The following ITCH variants were observed in gnomAD, a reference collection of about 807,000 sequenced individuals.
The protein encoded by ITCH is itchy E3 ubiquitin protein ligase, also known as E3 ubiquitin-protein ligase Itchy homolog.
ITCH carries 28 observed loss-of-function variants against 126.8 expected under a neutral mutation model. That is an observed-to-expected ratio of 0.22 (90% CI 0.16 to 0.30). The LOEUF is 0.30. Ranked by LOEUF, ITCH falls within the 10% of genes least tolerant of loss-of-function variation. The probability of loss-of-function intolerance (pLI) is 1.00; values close to 1 mark genes in which losing one functional copy is unlikely to be tolerated. For missense variants in ITCH, 631 were observed against 1,032.4 expected, an observed-to-expected ratio of 0.61 and a Z score of 5.33; for synonymous variants, 342 against 340.0, an observed-to-expected ratio of 1.01 and a Z score of -0.06.
intron 10 of ITCH, among the ~76,000 whole-genome samples, chr20:34,444,718 T>G (rs564265045): frequency 6.6e-6 from 1 of 152,330 alleles, no homozygotes; most frequent in Admixed American, 6.5e-5. Flanking sequence ...CTCGGCTCAC[T>G]GCAGCCCCCA....
At chr20:34,493,265 A>G (rs1989641606) in intron 23 of ITCH, among the ~76,000 whole-genome samples, 1 of 152,228 alleles carries the variant, frequency 6.6e-6, no homozygotes, top group Non-Finnish European at 1.5e-5. Context: ...AGAACTAAGC[A>G]GGTAATTTTG....
chr20:34,413,330 T>C (rs1188799698), intron 5 of ITCH, among the ~76,000 whole-genome samples: 1 of 152,204 alleles, frequency 6.6e-6, no homozygotes, highest in Non-Finnish European at 1.5e-5. Flanking sequence ...CCCTCGACTA[T>C]CTAAAACATA....
At chr20:34,426,020 A>G (rs966296575) in intron 7 of ITCH, among the ~76,000 whole-genome samples, 2 of 152,252 alleles carry the variant, frequency 1.3e-5, no homozygotes, top group Non-Finnish European at 2.9e-5. Context: ...GCCTTGGACT[A>G]TGTGAATTAA....
rs957223715 is a variant in ITCH, at chr20:34,440,467, C to CT, written c.869+133dup. 5.4e-3 allele frequency: 3,669 copies of CT among 683,490 alleles called. 1 individual carries two copies. Among genetic ancestry groups the CT allele is most frequent in the East Asian group, 0.014 (442 of 31,640 alleles). The allele number at this position is 683,490 out of a possible 1,614,324, so 42.3% of individuals were successfully genotyped here. A position where few individuals can be genotyped will look rare whatever the true frequency, so the allele number is the denominator to read the frequency against. On this transcript the variant is annotated intron_variant, in intron 9 of 24. Coordinates refer to ENST00000374864, the MANE Select transcript of ITCH (RefSeq NM_031483.7). ...TGTTTTGATGACTGTTTTTTAATTT[C>CT]TTTTTTTTTTGAGATGGAGTGCTCT...
chr20:34,503,884 G>GTTT (rs148915356), intron 23 of ITCH, among the ~76,000 whole-genome samples: 1 of 96,812 alleles, frequency 1.0e-5, no homozygotes, highest in African/African-American at 4.0e-5. Flanking sequence ...TTTTTTTTTT[G>GTTT]GTTTTTTTTT....
At chr20:34,478,699 G>A (rs1036678724) in intron 17 of ITCH, among the ~76,000 whole-genome samples, 6 of 152,054 alleles carry the variant, frequency 3.9e-5, no homozygotes, top group South Asian at 4.1e-4. Flanking sequence ...TTGTGTGCAC[G>A]CTAATTGGTG....
At chr20:34,378,484 AAAAAAAAAAAGATGT>A (rs2037931351) in intron 2 of ITCH, among the ~76,000 whole-genome samples, 1 of 150,726 alleles carries the variant, frequency 6.6e-6, no homozygotes, top group Non-Finnish European at 1.5e-5. Flanking sequence ...AAAAAAAAAA[AAAAAAAAAAAGATGT>A]AAAAAAAAAA....
intron 12 of ITCH, among the ~76,000 whole-genome samples, chr20:34,456,047 A>G (rs1443215445): frequency 6.6e-6 from 1 of 150,860 alleles, no homozygotes; most frequent in Non-Finnish European, 1.5e-5. Context: ...TTAGTTGAAT[A>G]ATGCCTAGCA....
intron 3 of ITCH, among the ~76,000 whole-genome samples, chr20:34,395,823 A>G (rs139935574): frequency 6.6e-6 from 1 of 152,228 alleles, no homozygotes; most frequent in African/African-American, 2.4e-5. Flanking sequence ...TGAGTATACG[A>G]AATTTTAAAA....
chr20:34,403,148 T>G (rs957697613), intron 3 of ITCH, among the ~76,000 whole-genome samples: 17 of 152,316 alleles, frequency 1.1e-4, no homozygotes, highest in South Asian at 2.1e-4. Flanking sequence ...CTTACCTGGT[T>G]CATTATTCTG....
At chr20:34,407,434 G>A (rs918173556) in intron 3 of ITCH, among the ~76,000 whole-genome samples, 17 of 151,970 alleles carry the variant, frequency 1.1e-4, no homozygotes, top group African/African-American at 3.9e-4. Context: ...ACCTGGCTAA[G>A]TTTTGAAATT....
At chr20:34,366,395 TA>T (rs2037423196) in intron 1 of ITCH, among the ~76,000 whole-genome samples, 1 of 152,082 alleles carries the variant, frequency 6.6e-6, no homozygotes, top group Non-Finnish European at 1.5e-5. Context: ...GGCTAATTTT[TA>T]AAATTTTTTT....
chr20:34,373,195 A>C (rs941429996), intron 2 of ITCH, among the ~76,000 whole-genome samples: 1 of 151,826 alleles, frequency 6.6e-6, no homozygotes, highest in Non-Finnish European at 1.5e-5. Flanking sequence ...GCTGATCTTG[A>C]ACTCCTGACC....
chr20:34,414,032 C>G (rs1471521577), intron 6 of ITCH, among the ~76,000 whole-genome samples, 153 bp downstream of exon 6: 1 of 149,800 alleles, frequency 6.7e-6, no homozygotes, highest in Non-Finnish European at 1.5e-5. Context: ...AATCCCAGCA[C>G]TTTGGGAGGC....
intron 6 of ITCH, among the ~76,000 whole-genome samples, chr20:34,420,290 A>G (rs73097054): frequency 0.024 from 3,584 of 152,180 alleles, 74 homozygotes; most frequent in Middle Eastern, 0.044. Context: ...CTCTGTCTCT[A>G]TGGATTTGCC....
chr20:34,458,622 A>G (rs1274803614), intron 13 of ITCH, among the ~76,000 whole-genome samples: 1 of 152,212 alleles, frequency 6.6e-6, no homozygotes, highest in African/African-American at 2.4e-5. Context: ...CGATGTCAGC[A>G]GGGCCATGCT....
intron 6 of ITCH, among the ~76,000 whole-genome samples, chr20:34,423,861 C>T (rs1007271498): frequency 6.6e-6 from 1 of 152,130 alleles, no homozygotes; most frequent in Admixed American, 6.6e-5. Context: ...CCTTGGCCTC[C>T]CAAAATGCTG....
rs1254119560 is a variant in ITCH at position 34,495,798 on chromosome 20, G to A, written c.2416+3201G>A. Reference sequence around the variant, plus strand: ...CTGATTTCCTTTTCTTTAGATGAATGCCCCATAGTGGGATTGCTGGATCAT... The same window carrying A: ...CTGATTTCCTTTTCTTTAGATGAATACCCCATAGTGGGATTGCTGGATCAT... On this transcript the variant is annotated intron_variant, in intron 23 of 24. Transcript: ENST00000374864. Among the ~76,000 whole-genome samples, 4 of 151,866 alleles carry A rather than the reference G, an allele frequency of 2.6e-5. No individual in the cohort carries two copies. The East Asian group carries it at 5.8e-4, about 22-fold the overall frequency.
rs992559660 is a variant in ITCH at position 34,481,306 on chromosome 20, G to C, written c.2093+100G>C. 2.0e-5 allele frequency: 26 copies of C among 1,277,940 alleles called. No individual in the cohort carries two copies. In the African/African-American group the frequency reaches 3.8e-4, roughly 19 times the overall value. The allele number at this position is 1,277,940 out of a possible 1,614,324, so 79.2% of individuals were successfully genotyped here. On this transcript the variant is annotated intron_variant, in intron 20 of 24. Coordinates refer to ENST00000374864, the MANE Select transcript of ITCH (RefSeq NM_031483.7). ...GAGAGTATCTCCAAAAATAGTATTTGTCTCTGTACTAATCAATATCCTATG... is the reference window on the plus strand; with the variant it reads ...GAGAGTATCTCCAAAAATAGTATTTCTCTCTGTACTAATCAATATCCTATG...
Sources: gnomAD v4.1 joint callset for allele counts (sites outside exome capture counted in the v4.1 genomes callset) on GRCh38, gnomAD v4.1.1 for gene constraint, MANE v1.5 for transcripts, NCBI Gene and HGNC (gene_info 2026-07-23, HGNC 2026-07-21) for gene names.